THSD4: variants seen among roughly 807,000 people sequenced by gnomAD.
THSD4 encodes the protein thrombospondin type 1 domain containing 4.
Under a neutral mutation model 119.0 loss-of-function variants are expected in THSD4, and 69 were observed. That is an observed-to-expected ratio of 0.58 (90% CI 0.48 to 0.71). The LOEUF (loss-of-function observed/expected upper bound fraction) is 0.71, where lower values mean the gene tolerates loss of function less well. THSD4 is among the 30% of genes least tolerant of loss of function. THSD4 has a pLI of 0.00. For synonymous variants in THSD4, 524 were observed against 540.4 expected, an observed-to-expected ratio of 0.97 and a Z score of 0.42; for missense variants, 1,393 against 1,391.1, an observed-to-expected ratio of 1.00 and a Z score of -0.02.
intron 14 of THSD4, among the ~76,000 whole-genome samples, chr15:71,749,368 G>A (rs1301730809): frequency 1.3e-5 from 2 of 152,350 alleles, no homozygotes; most frequent in South Asian, 2.1e-4. Flanking sequence ...TGGTGGGATC[G>A]GCGCATTGGC....
At chr15:71,182,196 A>G (rs1247944912) in intron 3 of THSD4, among the ~76,000 whole-genome samples, 1 of 151,770 alleles carries the variant, frequency 6.6e-6, no homozygotes, top group Non-Finnish European at 1.5e-5. Context: ...TTTTCTATAT[A>G]TGAATATTTC....
chr15:71,323,917 T>G (rs1016342788), intron 6 of THSD4, among the ~76,000 whole-genome samples: 2 of 152,196 alleles, frequency 1.3e-5, no homozygotes, highest in Non-Finnish European at 2.9e-5. Context: ...TGTGTGTGTG[T>G]GTATTATTGT....
intron 8 of THSD4, among the ~76,000 whole-genome samples, chr15:71,673,280 G>T (rs1317313913): frequency 6.6e-6 from 1 of 152,154 alleles, no homozygotes; most frequent in Non-Finnish European, 1.5e-5. Flanking sequence ...TTGCATAGAG[G>T]TGTTTATAGT....
chr15:71,392,476 C>T (rs1195364509), intron 6 of THSD4, among the ~76,000 whole-genome samples: 1 of 152,184 alleles, frequency 6.6e-6, no homozygotes, highest in Non-Finnish European at 1.5e-5. Context: ...AGATTCAAAC[C>T]CAGGTAAGGA....
At chr15:71,527,429 A>C (rs941684783) in intron 7 of THSD4, among the ~76,000 whole-genome samples, 33 of 152,184 alleles carry the variant, frequency 2.2e-4, no homozygotes, top group African/African-American at 7.7e-4. Flanking sequence ...AAATGTGACA[A>C]CAGAAGGAAG....
intron 3 of THSD4, among the ~76,000 whole-genome samples, chr15:71,194,504 T>C (rs943575299): frequency 6.6e-6 from 1 of 151,736 alleles, no homozygotes; most frequent in African/African-American, 2.4e-5. Flanking sequence ...CCTGTGGGAG[T>C]GTAAGGGTAT....
chr15:71,206,304 G>A (rs188948683), intron 3 of THSD4, among the ~76,000 whole-genome samples: 64 of 152,208 alleles, frequency 4.2e-4, no homozygotes, highest in African/African-American at 1.5e-3. Flanking sequence ...GAGCCACCGC[G>A]CCCGGCCACG....
chr15:71,218,304 C>T lies in THSD4; in HGVS notation c.464+2905C>T, dbSNP rs75888252. 5.9e-5 allele frequency among the ~76,000 whole-genome samples: 9 copies of T among 152,290 alleles called. No homozygotes were observed. The East Asian group carries it at 1.7e-3, about 29-fold the overall frequency. ...TGCTCACCCCCAGATCCCTGCAGTA[C>T]TCATCCTCCTGCGGGTGCCAACTGA... On this transcript the variant is annotated intron_variant, in intron 4 of 17. Transcript: ENST00000261862.
chr15:71,447,148 A>G (rs1199195396), intron 7 of THSD4, among the ~76,000 whole-genome samples: 39 of 117,134 alleles, frequency 3.3e-4, no homozygotes, highest in Admixed American at 7.0e-4. Context: ...TGGAGACAGA[A>G]TCTCACTCTG....
At position 71,312,842 on chromosome 15, in the gene THSD4, T is replaced by A. The variant is rs2045131350; in HGVS notation, c.1015+56127T>A. ...TCTTCCTATGGCTTCCTCCTCATTA[T>A]TCAGGCCTCTCTTCTGATTGTCCCT... On this transcript the variant is annotated intron_variant, in intron 6 of 17. Transcript: ENST00000261862. Among the ~76,000 whole-genome samples the A allele has an allele frequency of 3.3e-5, 5 of 152,146 alleles. No homozygotes were observed. In the South Asian group the frequency reaches 1.0e-3, roughly 32 times the overall value.
intron 6 of THSD4, among the ~76,000 whole-genome samples, chr15:71,311,501 T>C (rs900369899): frequency 6.6e-6 from 1 of 152,192 alleles, no homozygotes; most frequent in Non-Finnish European, 1.5e-5. Flanking sequence ...TTGAACTAAT[T>C]AGAAGAGTGC....
intron 8 of THSD4, among the ~76,000 whole-genome samples, chr15:71,661,671 C>T (rs1204176731): frequency 2.6e-5 from 4 of 152,166 alleles, no homozygotes; most frequent in Non-Finnish European, 2.9e-5. Flanking sequence ...GCTGAGATTA[C>T]AGGCATGAGC....
At chr15:71,713,059 G>A (rs773141561) in intron 8 of THSD4, among the ~76,000 whole-genome samples, 60 of 152,172 alleles carry the variant, frequency 3.9e-4, no homozygotes, top group African/African-American at 1.3e-3. Context: ...GATCAATAAC[G>A]AGGTAGCCCA....
Position 71,109,725 on chromosome 15 carries a change from A to C in THSD4, c.-80+12719A>C, listed in dbSNP as rs1317273419. On this transcript the variant is annotated intron_variant, in intron 1 of 17. Transcript: ENST00000355327. Reference sequence around the variant, plus strand: ...ACACAGAGTGGTGAAAGGAAACACTAAAAGAGAAAAAAAAAAAAAAGGAAC... The same window carrying C: ...ACACAGAGTGGTGAAAGGAAACACTCAAAGAGAAAAAAAAAAAAAAGGAAC... Among the ~76,000 whole-genome samples the C allele has an allele frequency of 1.2e-4, 16 of 136,980 alleles. 1 individual carries two copies. The Admixed American group carries it at 1.2e-3, about 10-fold the overall frequency. The allele number at this position is 136,980 out of a possible 152,430, so 89.9% of individuals were successfully genotyped here. A position where few individuals can be genotyped will look rare whatever the true frequency, so the allele number is the denominator to read the frequency against.
chr15:71,538,571 CAGAT>C (rs2048716788), intron 7 of THSD4, among the ~76,000 whole-genome samples: 1 of 152,236 alleles, frequency 6.6e-6, no homozygotes, highest in Non-Finnish European at 1.5e-5. Flanking sequence ...GTTTTCTAGA[CAGAT>C]AATTATTGCT....
chr15:71,613,308 T>C (rs921604563), intron 7 of THSD4, among the ~76,000 whole-genome samples: 1 of 152,188 alleles, frequency 6.6e-6, no homozygotes, highest in African/African-American at 2.4e-5. Context: ...CTAAGGAAAC[T>C]TGGTTAATTT....
rs2053991216 is a variant in THSD4, at chr15:71,781,075, CT to C, written c.*3703del. On this transcript the variant is annotated 3_prime_UTR_variant, in exon 18 of 18. Coordinates refer to ENST00000261862, the MANE Select transcript of THSD4 (RefSeq NM_024817.3). ...AACAGGCTGGATAATCTATATCAGCCTTGTGGGTGGAGACTAGTATTTGATC... is the reference window on the plus strand; with the variant it reads ...AACAGGCTGGATAATCTATATCAGCCTGTGGGTGGAGACTAGTATTTGATC... 1 of 282,314 alleles carries C rather than the reference CT, an allele frequency of 3.5e-6. No individual in the cohort carries two copies. Among genetic ancestry groups the C allele is most frequent in the Non-Finnish European group, 7.1e-6 (1 of 140,264 alleles). 17.5% of individuals were successfully genotyped at this position (282,314 alleles called of 1,614,324 possible).
At chr15:71,556,531 C>T (rs1329401808) in intron 7 of THSD4, among the ~76,000 whole-genome samples, 2 of 152,102 alleles carry the variant, frequency 1.3e-5, no homozygotes, top group Admixed American at 6.5e-5. Context: ...AGGCAGATCA[C>T]GTGAGCCCAG....
At chr15:71,479,426 C>T (rs2047696684) in intron 7 of THSD4, among the ~76,000 whole-genome samples, 1 of 152,038 alleles carries the variant, frequency 6.6e-6, no homozygotes, top group Non-Finnish European at 1.5e-5. Context: ...TCTGCAGTTT[C>T]CTAATCATTG....
Sources: allele counts gnomAD v4.1 joint callset (sites outside exome capture counted in the v4.1 genomes callset), GRCh38; gene constraint gnomAD v4.1.1; transcripts MANE v1.5; gene names NCBI Gene and HGNC (gene_info 2026-07-23, HGNC 2026-07-21).